The following SHPRH variants were observed in gnomAD, a reference collection of about 807,000 sequenced individuals.
SHPRH encodes SNF2 histone linker PHD RING helicase, also known as E3 ubiquitin-protein ligase SHPRH.
SHPRH carries 106 observed loss-of-function variants against 202.5 expected under a neutral mutation model. That is an observed-to-expected ratio of 0.52 (90% CI 0.45 to 0.62). The LOEUF (loss-of-function observed/expected upper bound fraction) is 0.62, where lower values mean the gene tolerates loss of function less well. SHPRH is among the 20% of genes least tolerant of loss of function. The probability of loss-of-function intolerance (pLI) is 0.00; values close to 1 mark genes in which losing one functional copy is unlikely to be tolerated. For missense variants in SHPRH, 1,710 were observed against 2,020.0 expected, an observed-to-expected ratio of 0.85 and a Z score of 2.94; for synonymous variants, 729 against 686.0, an observed-to-expected ratio of 1.06 and a Z score of -0.98.
At chr6:145,927,991 T>C (rs1008460596) in intron 14 of SHPRH, among the ~76,000 whole-genome samples, 2 of 151,982 alleles carry the variant, frequency 1.3e-5, no homozygotes, top group Non-Finnish European at 2.9e-5. Context: ...CCTCTGCCTA[T>C]CTGTTGGGCA....
intron 28 of SHPRH, among the ~76,000 whole-genome samples, chr6:145,891,109 C>G (rs558093533): frequency 6.6e-6 from 1 of 152,110 alleles, no homozygotes; most frequent in South Asian, 2.1e-4. Context: ...CTGTTCAAAG[C>G]CTTCCAATGG....
At chr6:145,924,602 T>C (rs937071428) in intron 17 of SHPRH, 137 bp downstream of exon 17, 7 of 606,196 alleles carry the variant, frequency 1.2e-5, no homozygotes, top group African/African-American at 1.8e-5. Flanking sequence ...TAAACTTGTA[T>C]TGTGGGTCAG....
downstream of SHPRH, among the ~76,000 whole-genome samples, chr6:145,880,037 G>A (rs748261461): frequency 7.9e-5 from 12 of 151,312 alleles, no homozygotes; most frequent in Non-Finnish European, 1.6e-4. Context: ...AAACAAACAT[G>A]AAAATATTGC....
chr6:145,949,417 T>A (rs1397400269), intron 4 of SHPRH, among the ~76,000 whole-genome samples: 1 of 152,038 alleles, frequency 6.6e-6, no homozygotes, highest in Non-Finnish European at 1.5e-5. Context: ...CAAAAAAGAA[T>A]GAAATAATGT....
Position 145,927,222 on chromosome 6 carries a change from T to C in SHPRH, c.3168A>G (p.Glu1056=). The change falls in exon 15 of 30, where the codon GAA becomes GAG. Residue 1056 remains glutamate, a synonymous_variant. Coordinates refer to ENST00000275233, the MANE Select transcript of SHPRH (RefSeq NM_001042683.3). ...LYREVLRSSE[E]HKGKLKTDSL... Reference sequence around the variant, plus strand: ...AATCAGTTTTGAGTTTTCCTTTGTGTTCCTCCGAGGAGCGCAACACTTCTC... The same window carrying C: ...AATCAGTTTTGAGTTTTCCTTTGTGCTCCTCCGAGGAGCGCAACACTTCTC... 1 of 1,612,236 alleles carries C rather than the reference T, an allele frequency of 6.2e-7. No individual in the cohort carries two copies. Among genetic ancestry groups the C allele is most frequent in the Non-Finnish European group, 8.5e-7 (1 of 1,178,878 alleles).
intron 9 of SHPRH, among the ~76,000 whole-genome samples, chr6:145,942,788 G>C (rs562077520): frequency 5.3e-5 from 8 of 152,154 alleles, no homozygotes; most frequent in Non-Finnish European, 1.2e-4. Context: ...AGAGATGGCA[G>C]ATCAGATAAG....
intron 2 of SHPRH, among the ~76,000 whole-genome samples, chr6:145,867,627 TATATAGAGAGAGAGAGAGAGAG>T (rs1266362808): frequency 7.4e-5 from 4 of 53,808 alleles, no homozygotes; most frequent in East Asian, 5.6e-4. Context: ...TATATATATA[TATATAGAGAGAGAGAGAGAGAG>T]AGAGAGAGAG....
chr6:145,935,137 T>C lies in SHPRH; in HGVS notation c.2760A>G (p.Glu920=). Residue 920 remains glutamate, a synonymous_variant, in exon 13 of 30, where the codon GAA becomes GAG. Transcript: ENST00000275233. ...CTGGAGAAAAGTGGAGCCAGTGTAT[T>C]TCTTCGGTTTGTGGTGGTATTTGGA... is the stretch of plus-strand genomic sequence containing the variant. The part of the protein sequence containing the change: ...DQIQIPPQTE[E]IHWLHFSPVE... The C allele has an allele frequency of 6.2e-7, 1 of 1,613,958 alleles. No homozygotes were observed. The highest frequency in any genetic ancestry group is 1.7e-5 in the Admixed American group (1 of 59,990).
intron 28 of SHPRH, among the ~76,000 whole-genome samples, chr6:145,891,029 C>G (rs1241561932): frequency 1.3e-5 from 2 of 152,094 alleles, no homozygotes; most frequent in African/African-American, 4.8e-5. Flanking sequence ...TTCCTTGCTC[C>G]CCTTCACTCC....
At chr6:145,861,638 C>T (rs1344383407), downstream of SHPRH, among the ~76,000 whole-genome samples, 1 of 152,134 alleles carries the variant, frequency 6.6e-6, no homozygotes, top group East Asian at 1.9e-4. Flanking sequence ...AAGAGATATC[C>T]ATCCTCCCAT....
chr6:145,927,405 G>C, intron 14 of SHPRH, 128 bp from the exon 15 acceptor site: 1 of 835,358 alleles, frequency 1.2e-6, no homozygotes, highest in Middle Eastern at 2.8e-4. Context: ...TTTAAGTAAA[G>C]AAATTTGACT....
chr6:145,928,642 A>T lies in SHPRH; in HGVS notation c.3113-1365T>A, dbSNP rs545003260. On this transcript the variant is annotated intron_variant, in intron 14 of 29. Coordinates refer to ENST00000275233, the MANE Select transcript of SHPRH (RefSeq NM_001042683.3). ...TTTTGGTAAAATATACATAAAATTT[A>T]CCATCTCAGCCCTTTTTAAGTGTGT... 3.3e-5 allele frequency among the ~76,000 whole-genome samples: 5 copies of T among 152,116 alleles called. No individual in the cohort carries two copies. In the East Asian group the frequency reaches 7.7e-4, roughly 23 times the overall value.
intron 16 of SHPRH, among the ~76,000 whole-genome samples, chr6:145,925,871 T>C (rs1784831830): frequency 6.6e-6 from 1 of 151,980 alleles, no homozygotes; most frequent in South Asian, 2.1e-4. Context: ...AGTTTGTATA[T>C]TTACTAAGCT....
At chr6:145,879,639 G>A (rs933194788) in intron 2 of SHPRH, among the ~76,000 whole-genome samples, 7 of 152,066 alleles carry the variant, frequency 4.6e-5, no homozygotes, top group African/African-American at 1.7e-4. Context: ...AGCCGGGTGT[G>A]GTGGCTCATG....
chr6:145,905,739 T>C lies in SHPRH; in HGVS notation c.4515+4709A>G, dbSNP rs139738387. 5 of 152,168 alleles carry C rather than the reference T, an allele frequency of 3.3e-5. No individual in the cohort carries two copies. In the East Asian group the frequency reaches 9.7e-4, roughly 30 times the overall value. 9.4% of individuals were successfully genotyped at this position (152,168 alleles called of 1,614,324 possible). ...ATCTATGGTTGGCTATATCCACAGA[T>C]ACACAGGGCTGACTGTAAAATGTAT... On this transcript the variant is annotated intron_variant, in intron 25 of 29. Coordinates refer to ENST00000275233, the MANE Select transcript of SHPRH (RefSeq NM_001042683.3).
intron 4 of SHPRH, 29 bp from the exon 5 acceptor site, chr6:145,948,379 AT>A: frequency 1.3e-6 from 2 of 1,570,078 alleles, no homozygotes; most frequent in Non-Finnish European, 1.7e-6. Flanking sequence ...ATAATAACAA[AT>A]TTTTGTTTTC....
At chr6:145,947,404 TGA>T in intron 6 of SHPRH, 87 bp downstream of exon 6, 1 of 1,419,428 alleles carries the variant, frequency 7.0e-7, no homozygotes, top group Non-Finnish European at 9.5e-7. Flanking sequence ...CAGAAAGTGT[TGA>T]CTTAAGTGCC....
At chr6:145,880,570 A>G (rs1329564170), downstream of SHPRH, among the ~76,000 whole-genome samples, 1 of 151,948 alleles carries the variant, frequency 6.6e-6, no homozygotes, top group Non-Finnish European at 1.5e-5. Context: ...TTGAGGCTGC[A>G]GTGAGTCATG....
chr6:145,883,639 A>G (rs1216108070), downstream of SHPRH: 4 of 152,206 alleles, frequency 2.6e-5, no homozygotes, highest in East Asian at 7.7e-4. Flanking sequence ...GTAAACAGAA[A>G]ATTTTATAAA....
Sources: allele counts gnomAD v4.1 joint callset (sites outside exome capture counted in the v4.1 genomes callset), GRCh38; gene constraint gnomAD v4.1.1; transcripts MANE v1.5; gene names NCBI Gene and HGNC (gene_info 2026-07-23, HGNC 2026-07-21).